The following OPCML variants were observed in gnomAD, a reference collection of about 807,000 sequenced individuals.
The protein encoded by OPCML is opioid binding protein/cell adhesion molecule like.
OPCML carries 13 observed loss-of-function variants against 37.8 expected under a neutral mutation model. The ratio of observed to expected loss-of-function variants is 0.34; its 90% CI spans 0.22 to 0.55. The LOEUF is 0.55. OPCML is among the 20% of genes least tolerant of loss of function. The pLI, the probability that OPCML is intolerant of heterozygous loss-of-function variation, is 0.91. For synonymous variants in OPCML, 176 were observed against 168.8 expected (o/e 1.04, Z -0.33); for missense variants, 341 against 435.6 (o/e 0.78, Z 1.93).
At chr11:133,493,162 C>A (rs563188802) in intron 1 of OPCML, among the ~76,000 whole-genome samples, 5 of 152,202 alleles carry the variant, frequency 3.3e-5, no homozygotes, top group African/African-American at 7.2e-5. Context: ...CAGAAGGCCA[C>A]CCCCATCCTG....
chr11:132,942,829 G>C (rs1945627082), intron 2 of OPCML, 97 bp downstream of exon 2: 2 of 1,505,022 alleles, frequency 1.3e-6, no homozygotes, highest in Non-Finnish European at 1.8e-6. Context: ...GCCCACTCGC[G>C]TTCCGGTCCC....
intron 2 of OPCML, among the ~76,000 whole-genome samples, chr11:132,830,314 T>G (rs1298233564): frequency 2.0e-5 from 3 of 152,210 alleles, no homozygotes; most frequent in Non-Finnish European, 4.4e-5. Context: ...AGTACGTGAT[T>G]CATAAGTTCA....
intron 1 of OPCML, among the ~76,000 whole-genome samples, chr11:133,069,106 G>C (rs1417524216): frequency 6.6e-6 from 1 of 152,180 alleles, no homozygotes; most frequent in Non-Finnish European, 1.5e-5. Flanking sequence ...GTAGTAAAAA[G>C]AACGCTTGAA....
rs76821782 is a variant in OPCML, at chr11:132,680,029, C to T, written c.147-22710G>A. 4.9e-3 allele frequency among the ~76,000 whole-genome samples: 744 copies of T among 152,140 alleles called. 32 individuals carry two copies. The East Asian group carries it at 0.093, about 19-fold the overall frequency. ...TTCAATTTTTTTTCTTTTGTGAATG[C>T]AAGATGCTTTATCAACCCACATGTA... On this transcript the variant is annotated intron_variant, in intron 2 of 7. Transcript: ENST00000524381.
intron 3 of OPCML, among the ~76,000 whole-genome samples, chr11:132,539,118 C>A (rs1416962127): frequency 1.3e-5 from 2 of 152,192 alleles, no homozygotes; most frequent in East Asian, 1.9e-4. Context: ...AGGTCCTTTT[C>A]TCATGTAAAT....
chr11:132,695,317 A>T (rs987262474), intron 2 of OPCML, among the ~76,000 whole-genome samples: 1 of 152,128 alleles, frequency 6.6e-6, no homozygotes, highest in Non-Finnish European at 1.5e-5. Context: ...GGGTACTGTT[A>T]GTCTAGGGGG....
chr11:132,465,069 G>C (rs780713057), intron 4 of OPCML, among the ~76,000 whole-genome samples: 1 of 151,844 alleles, frequency 6.6e-6, no homozygotes, highest in Non-Finnish European at 1.5e-5. Context: ...TGTCTATATG[G>C]ATCTGCCACA....
intron 4 of OPCML, among the ~76,000 whole-genome samples, chr11:132,505,622 A>G (rs531691858): frequency 1.3e-5 from 2 of 152,330 alleles, no homozygotes; most frequent in African/African-American, 4.8e-5. Flanking sequence ...AAGTGACCTT[A>G]AAACAGCAAC....
At chr11:132,570,397 G>T (rs1181741177) in intron 3 of OPCML, among the ~76,000 whole-genome samples, 1 of 152,018 alleles carries the variant, frequency 6.6e-6, no homozygotes, top group African/African-American at 2.4e-5. Context: ...ATGTTTTGAG[G>T]GGAAAGTTTG....
chr11:132,790,849 C>T (rs1305764314), intron 2 of OPCML, among the ~76,000 whole-genome samples: 1 of 152,196 alleles, frequency 6.6e-6, no homozygotes, highest in Non-Finnish European at 1.5e-5. Context: ...AGAACAATAT[C>T]ATCCACCATA....
chr11:132,999,422 G>A (rs1380176173), intron 1 of OPCML, among the ~76,000 whole-genome samples: 1 of 152,072 alleles, frequency 6.6e-6, no homozygotes, highest in African/African-American at 2.4e-5. Flanking sequence ...ACATTATTAA[G>A]AAGGCAGTTT....
intron 2 of OPCML, among the ~76,000 whole-genome samples, chr11:132,682,957 T>G (rs913025476): frequency 6.6e-6 from 1 of 152,190 alleles, no homozygotes; most frequent in Non-Finnish European, 1.5e-5. Flanking sequence ...GGCAAAATAA[T>G]GTATTCAAGG....
intron 1 of OPCML, chr11:133,419,292 G>A (rs527830724): frequency 2.5e-4 from 249 of 985,388 alleles, no homozygotes; most frequent in Middle Eastern, 1.6e-3. Context: ...GTGAAACCTC[G>A]AGATGTCTGG....
At chr11:133,043,296 CT>C (rs1184613347) in intron 1 of OPCML, among the ~76,000 whole-genome samples, 1 of 152,162 alleles carries the variant, frequency 6.6e-6, no homozygotes, top group African/African-American at 2.4e-5. Flanking sequence ...TAAATTTCCT[CT>C]GGAATTGATC....
chr11:132,888,636 T>A (rs1481033215), intron 2 of OPCML, among the ~76,000 whole-genome samples: 2 of 151,948 alleles, frequency 1.3e-5, no homozygotes, highest in East Asian at 3.9e-4. Context: ...TGTTCGTTTG[T>A]TTGTTTGGCT....
At chr11:132,631,699 A>G (rs1380561203) in intron 3 of OPCML, among the ~76,000 whole-genome samples, 1 of 151,962 alleles carries the variant, frequency 6.6e-6, no homozygotes, top group Admixed American at 6.6e-5. Flanking sequence ...TAGTTTAACA[A>G]GAAAAATATA....
chr11:133,012,870 C>CAAA (rs11456619), intron 1 of OPCML, among the ~76,000 whole-genome samples: 7 of 113,212 alleles, frequency 6.2e-5, no homozygotes, highest in Non-Finnish European at 9.2e-5. Context: ...AACTCCATCT[C>CAAA]AAAAAAAAAA....
intron 1 of OPCML, among the ~76,000 whole-genome samples, chr11:132,980,092 G>A (rs1946550377): frequency 6.6e-6 from 1 of 152,184 alleles, no homozygotes; most frequent in Non-Finnish European, 1.5e-5. Flanking sequence ...ATGTGAATAA[G>A]AGATAAAAGA....
chr11:133,105,052 T>C (rs946716016), intron 1 of OPCML, among the ~76,000 whole-genome samples: 7 of 152,230 alleles, frequency 4.6e-5, no homozygotes, highest in African/African-American at 1.7e-4. Flanking sequence ...AAGAATTTGA[T>C]ATGTATCCTT....
Sources: allele counts gnomAD v4.1 joint callset (sites outside exome capture counted in the v4.1 genomes callset), GRCh38; gene constraint gnomAD v4.1.1; transcripts MANE v1.5; gene names NCBI Gene and HGNC (gene_info 2026-07-23, HGNC 2026-07-21).